Variants in OPCML observed in about 807,000 individuals in gnomAD.
OPCML encodes opioid-binding protein/cell adhesion molecule.
Under a neutral mutation model 37.8 loss-of-function variants are expected in OPCML, and 13 were observed. That is an observed-to-expected ratio of 0.34 (90% CI 0.22 to 0.55). The LOEUF is 0.55. OPCML is among the 20% of genes least tolerant of loss of function. The pLI, the probability that OPCML is intolerant of heterozygous loss-of-function variation, is 0.91. For missense variants in OPCML, 341 were observed against 435.6 expected, an observed-to-expected ratio of 0.78 and a Z score of 1.93; for synonymous variants, 176 against 168.8, an observed-to-expected ratio of 1.04 and a Z score of -0.33.
chr11:133,204,900 A>ATATATATATATATGTGTG (rs1938992645), intron 1 of OPCML, among the ~76,000 whole-genome samples: 1 of 134,098 alleles, frequency 7.5e-6, no homozygotes, highest in African/African-American at 2.8e-5. Flanking sequence ...ATATATATAT[A>ATATATATATATATGTGTG]TATATATATA....
At chr11:132,705,827 C>T (rs186741342) in intron 2 of OPCML, among the ~76,000 whole-genome samples, 20 of 152,046 alleles carry the variant, frequency 1.3e-4, no homozygotes, top group South Asian at 4.2e-4. Flanking sequence ...TTTTCTTTTT[C>T]GAGACAGTCT....
chr11:133,129,887 G>A (rs1949577318), intron 1 of OPCML, among the ~76,000 whole-genome samples: 2 of 151,758 alleles, frequency 1.3e-5, no homozygotes, highest in African/African-American at 4.8e-5. Context: ...CAGTCAGAAT[G>A]ACAAAGCAAG....
chr11:132,710,531 C>A (rs1944217969), intron 2 of OPCML, among the ~76,000 whole-genome samples: 1 of 152,082 alleles, frequency 6.6e-6, no homozygotes. Flanking sequence ...TATTAGTTGT[C>A]AAATGGTGAG....
intron 3 of OPCML, among the ~76,000 whole-genome samples, chr11:132,587,679 C>T (rs1223900527): frequency 6.6e-6 from 1 of 152,168 alleles, no homozygotes; most frequent in Non-Finnish European, 1.5e-5. Context: ...GGGGCACTGC[C>T]ATGAACATAG....
intron 1 of OPCML, among the ~76,000 whole-genome samples, chr11:133,392,742 G>A (rs1451528335): frequency 6.6e-6 from 1 of 152,194 alleles, no homozygotes; most frequent in East Asian, 1.9e-4. Flanking sequence ...TTCGTTACAG[G>A]TTTCTCTTAG....
At chr11:133,056,147 G>A (rs913056895) in intron 1 of OPCML, among the ~76,000 whole-genome samples, 1 of 152,234 alleles carries the variant, frequency 6.6e-6, no homozygotes, top group African/African-American at 2.4e-5. Flanking sequence ...AACAAACTGG[G>A]AGATGGAGGG....
chr11:132,661,061 G>T (rs1295882083), intron 2 of OPCML, among the ~76,000 whole-genome samples: 14 of 152,018 alleles, frequency 9.2e-5, no homozygotes, highest in Non-Finnish European at 1.0e-4. Flanking sequence ...GGTGGACTTT[G>T]AAAAAGGGCA....
At chr11:132,948,722 C>T (rs1198524569) in intron 1 of OPCML, among the ~76,000 whole-genome samples, 8 of 152,098 alleles carry the variant, frequency 5.3e-5, no homozygotes. Context: ...ATGCATGCAA[C>T]ATTTCACCAA....
At chr11:132,494,546 C>T (rs1487500251) in intron 4 of OPCML, among the ~76,000 whole-genome samples, 2 of 151,940 alleles carry the variant, frequency 1.3e-5, no homozygotes, top group African/African-American at 2.4e-5. Context: ...TAATAATTCT[C>T]TAAAAAGATG....
intron 1 of OPCML, among the ~76,000 whole-genome samples, chr11:133,056,294 T>A (rs1213865741): frequency 1.3e-5 from 2 of 152,092 alleles, no homozygotes; most frequent in Admixed American, 1.3e-4. Flanking sequence ...AAAGGAAAAA[T>A]GAGTGACTGA....
chr11:132,914,308 T>C (rs1016483841), intron 2 of OPCML, among the ~76,000 whole-genome samples: 2 of 152,226 alleles, frequency 1.3e-5, no homozygotes, highest in Non-Finnish European at 2.9e-5. Context: ...TATCGCTTGA[T>C]CCATTCTGAA....
intron 2 of OPCML, among the ~76,000 whole-genome samples, chr11:132,811,330 C>G (rs1034410351): frequency 5.3e-5 from 8 of 152,190 alleles, no homozygotes; most frequent in Non-Finnish European, 8.8e-5. Flanking sequence ...CAATTCTTTT[C>G]ACCTTTCTTT....
At chr11:132,502,450 C>T (rs1162078480) in intron 4 of OPCML, among the ~76,000 whole-genome samples, 1 of 152,172 alleles carries the variant, frequency 6.6e-6, no homozygotes, top group African/African-American at 2.4e-5. Context: ...TTTGTTGTCC[C>T]CAGTTACACA....
At chr11:132,841,251 T>C (rs1165233001) in intron 2 of OPCML, among the ~76,000 whole-genome samples, 2 of 152,220 alleles carry the variant, frequency 1.3e-5, no homozygotes, top group Non-Finnish European at 2.9e-5. Context: ...TTTGAAAATA[T>C]GATGCAGAAG....
chr11:132,644,388 A>AC, intron 3 of OPCML, among the ~76,000 whole-genome samples: 1 of 152,148 alleles, frequency 6.6e-6, no homozygotes, highest in African/African-American at 2.4e-5. Flanking sequence ...CTCCCAGGGG[A>AC]CGCATGGCTC....
intron 2 of OPCML, among the ~76,000 whole-genome samples, chr11:132,855,127 T>C (rs915541689): frequency 6.6e-6 from 1 of 152,190 alleles, no homozygotes; most frequent in African/African-American, 2.4e-5. Context: ...AGGAGTCATA[T>C]GGTCAAAGAT....
chr11:133,380,796 G>T (rs1324055768), intron 1 of OPCML, among the ~76,000 whole-genome samples: 2 of 152,094 alleles, frequency 1.3e-5, no homozygotes, highest in Admixed American at 6.5e-5. Context: ...TGCTATTCCT[G>T]ATCTTGTAGG....
At chr11:133,207,275 G>A (rs574844916) in intron 1 of OPCML, among the ~76,000 whole-genome samples, 1 of 152,018 alleles carries the variant, frequency 6.6e-6, no homozygotes, top group Non-Finnish European at 1.5e-5. Context: ...CCTCCAGCCT[G>A]GGCGACAGAG....
chr11:133,099,302 G>A (rs1256949252), intron 1 of OPCML, among the ~76,000 whole-genome samples: 6 of 149,832 alleles, frequency 4.0e-5, no homozygotes, highest in Non-Finnish European at 5.9e-5. Context: ...TTGCTCTGTC[G>A]CCCAGGCTGG....
Sources: gnomAD v4.1 joint callset for allele counts (sites outside exome capture counted in the v4.1 genomes callset) on GRCh38, gnomAD v4.1.1 for gene constraint, MANE v1.5 for transcripts, NCBI Gene and HGNC (gene_info 2026-07-23, HGNC 2026-07-21) for gene names.